APC: variants seen among roughly 807,000 people sequenced by gnomAD.
APC encodes adenomatous polyposis coli protein.
APC carries 72 observed loss-of-function variants against 247.0 expected under a neutral mutation model. That is an observed-to-expected ratio of 0.29 (90% confidence interval 0.24 to 0.35). The LOEUF is 0.35. Among genes scored for constraint, APC ranks in the 10% least tolerant of loss-of-function variants. The probability of loss-of-function intolerance (pLI) is 1.00; values close to 1 mark genes in which losing one functional copy is unlikely to be tolerated. For missense variants in APC, 3,400 were observed against 3,360.7 expected (o/e 1.01, Z -0.29); for synonymous variants, 1,254 against 1,162.5 (o/e 1.08, Z -1.60).
At chr5:112,710,983 T>C (rs1750814938) in intron 1 of APC, among the ~76,000 whole-genome samples, 1 of 152,262 alleles carries the variant, frequency 6.6e-6, no homozygotes, top group Non-Finnish European at 1.5e-5. Context: ...AACTACTGTT[T>C]TAAAAGTTAT....
At chr5:112,786,811 C>T (rs1389998858) in intron 6 of APC, among the ~76,000 whole-genome samples, 3 of 151,986 alleles carry the variant, frequency 2.0e-5, no homozygotes, top group Non-Finnish European at 4.4e-5. Context: ...TCTTAGAAGG[C>T]CACATAGTAA....
chr5:112,812,707 C>T (rs572672321), intron 8 of APC, among the ~76,000 whole-genome samples: 17 of 152,274 alleles, frequency 1.1e-4, no homozygotes, highest in Admixed American at 9.8e-4. Context: ...CTTACCCACA[C>T]GTATTTTCAT....
At chr5:112,758,260 T>C (rs987162195) in intron 2 of APC, among the ~76,000 whole-genome samples, 1 of 152,204 alleles carries the variant, frequency 6.6e-6, no homozygotes, top group Non-Finnish European at 1.5e-5. Flanking sequence ...AGTTGTGTAG[T>C]GTATTTTTTA....
At chr5:112,796,352 TAGAA>T (rs1307323738) in intron 7 of APC, among the ~76,000 whole-genome samples, 2 of 152,160 alleles carry the variant, frequency 1.3e-5, no homozygotes, top group African/African-American at 4.8e-5. Flanking sequence ...TGAAAGAGAT[TAGAA>T]AGAAAGAGTT....
rs1580661426 is a variant in APC, at chr5:112,841,162, T to C, written c.5568T>C (p.Phe1856=). The change falls in exon 16 of 16, where the codon TTT becomes TTC. Residue 1856 remains phenylalanine, a synonymous_variant. Transcript: ENST00000257430. The surrounding 1 kb of genome is among the most constrained non-coding windows in gnomAD (Gnocchi z 4.6). ...CTATTGAAGGAACTCCTTACTGTTT[T>C]TCACGAAATGATTCTTTGAGTTCTC... is the stretch of plus-strand genomic sequence containing the variant. ...YTPIEGTPYC[F]SRNDSLSSLD... 1.2e-6 allele frequency: 2 copies of C among 1,613,974 alleles called. No homozygotes were observed. Among genetic ancestry groups the C allele is most frequent in the South Asian group, 2.2e-5 (2 of 91,072 alleles).
At chr5:112,798,293 C>G (rs1172071332) in intron 7 of APC, among the ~76,000 whole-genome samples, 1 of 152,148 alleles carries the variant, frequency 6.6e-6, no homozygotes, top group Non-Finnish European at 1.5e-5. Context: ...GATGAACCTC[C>G]AGAACATGCT....
rs184547007 is a variant in APC at position 112,749,662 on chromosome 5, A to G, written c.-18-5211A>G. Among the ~76,000 whole-genome samples the G allele has an allele frequency of 4.5e-3, 680 of 151,730 alleles. 18 individuals are homozygous for G. Among genetic ancestry groups the G allele is most frequent in the Admixed American group, 0.041 (629 of 15,236 alleles). On this transcript the variant is annotated intron_variant, in intron 1 of 15. Coordinates refer to ENST00000257430, the MANE Select transcript of APC (RefSeq NM_000038.6). Reference sequence around the variant, plus strand: ...GCCACCATGCCCGGCTAATTTTTGTATTTTTAGTAGAGGCGGGGTTTCACC... The same window carrying G: ...GCCACCATGCCCGGCTAATTTTTGTGTTTTTAGTAGAGGCGGGGTTTCACC...
At chr5:112,828,833 A>G in intron 13 of APC, 23 bp from the exon 14 acceptor site, 1 of 1,508,968 alleles carries the variant, frequency 6.6e-7, no homozygotes, top group Non-Finnish European at 9.2e-7. Context: ...GTATAAATTA[A>G]TCTAAAATTG....
Position 112,828,652 on chromosome 5 carries a change from G to A in APC, c.1627-204G>A, listed in dbSNP as rs567274379. ...TTTCATAGAGACAGGGTCTCACTGT[G>A]TTACCCAGAAGGTCTTGAACTCCTG... On this transcript the variant is annotated intron_variant, in intron 13 of 15. Coordinates refer to ENST00000257430, the MANE Select transcript of APC (RefSeq NM_000038.6). Among the ~76,000 whole-genome samples, 15 of 151,992 alleles carry A rather than the reference G, an allele frequency of 9.9e-5. 1 individual carries two copies. The South Asian group carries it at 2.9e-3, about 29-fold the overall frequency.
intron 6 of APC, among the ~76,000 whole-genome samples, chr5:112,784,536 C>G (rs754363988): frequency 6.6e-6 from 1 of 152,174 alleles, no homozygotes; most frequent in East Asian, 1.9e-4. Flanking sequence ...AATGTAGATA[C>G]ATATTTTAAA....
At chr5:112,739,866 C>T (rs910672920) in intron 1 of APC, among the ~76,000 whole-genome samples, 1 of 152,172 alleles carries the variant, frequency 6.6e-6, no homozygotes, top group East Asian at 1.9e-4. Context: ...ATTATTTTTA[C>T]ATAAATTACC....
intron 14 of APC, among the ~76,000 whole-genome samples, chr5:112,830,628 C>T (rs575153126): frequency 1.3e-5 from 2 of 152,164 alleles, no homozygotes; most frequent in Non-Finnish European, 2.9e-5. Flanking sequence ...TAGTCAAAAA[C>T]TAGAAATAAC....
intron 1 of APC, among the ~76,000 whole-genome samples, chr5:112,744,841 G>A (rs960571412): frequency 6.6e-6 from 1 of 152,202 alleles, no homozygotes; most frequent in African/African-American, 2.4e-5. Context: ...AAGTTATACA[G>A]TCTTTGAGAG....
intron 13 of APC, 27 bp downstream of exon 13, chr5:112,828,033 T>C: frequency 6.3e-7 from 1 of 1,585,332 alleles, no homozygotes; most frequent in Non-Finnish European, 8.6e-7. Context: ...CACCTGTTTT[T>C]CTTTTTTCTC....
intron 9 of APC, 34 bp from the exon 10 acceptor site, chr5:112,818,932 C>T (rs1015852374): frequency 6.3e-7 from 1 of 1,581,400 alleles, no homozygotes; most frequent in Non-Finnish European, 8.6e-7. Context: ...ATATTAAAGT[C>T]GTAATTTTGT....
chr5:112,729,828 C>T (rs1752003114), intron 1 of APC, among the ~76,000 whole-genome samples: 1 of 152,328 alleles, frequency 6.6e-6, no homozygotes, highest in African/African-American at 2.4e-5. Flanking sequence ...CCACATTTTG[C>T]ATGCATAAGT....
chr5:112,737,023 T>G (rs1010680297), upstream of APC, among the ~76,000 whole-genome samples: 4 of 152,246 alleles, frequency 2.6e-5, no homozygotes, highest in African/African-American at 9.6e-5. Context: ...TTATATATTC[T>G]TGACAGTTTG....
At chr5:112,765,502 ATTACT>A (rs1186365896) in intron 2 of APC, among the ~76,000 whole-genome samples, 1 of 152,210 alleles carries the variant, frequency 6.6e-6, no homozygotes, top group Non-Finnish European at 1.5e-5. Context: ...GTATTTACAG[ATTACT>A]TTTCTTATAG....
chr5:112,710,491 TTCTTTC>T (rs1750785523), intron 1 of APC, among the ~76,000 whole-genome samples: 1 of 152,162 alleles, frequency 6.6e-6, no homozygotes, highest in African/African-American at 2.4e-5. Context: ...TTTCCCATCT[TTCTTTC>T]TCTAGAAACT....
Sources: allele counts gnomAD v4.1 joint callset (sites outside exome capture counted in the v4.1 genomes callset), GRCh38; gene constraint gnomAD v4.1.1; non-coding constraint Gnocchi (gnomAD v3.1); transcripts MANE v1.5; gene names NCBI Gene and HGNC (gene_info 2026-07-23, HGNC 2026-07-21).